PPP1R9A: variants seen among roughly 807,000 people sequenced by gnomAD.
PPP1R9A encodes protein phosphatase 1 regulatory subunit 9A, also known as neurabin-1.
Under a neutral mutation model 141.9 loss-of-function variants are expected in PPP1R9A, and 59 were observed. The ratio of observed to expected loss-of-function variants is 0.42; its 90% CI spans 0.34 to 0.52. The LOEUF (loss-of-function observed/expected upper bound fraction) is 0.52, where lower values mean the gene tolerates loss of function less well. PPP1R9A is among the 20% of genes least tolerant of loss of function. PPP1R9A has a pLI of 0.10. For missense variants in PPP1R9A, 1,444 were observed against 1,611.9 expected (o/e 0.90, Z 1.78); for synonymous variants, 500 against 569.7 (o/e 0.88, Z 1.74).
At position 94,910,746 on chromosome 7, in the gene PPP1R9A, C is replaced by T. The variant is rs750307570; in HGVS notation, c.633C>T (p.Asn211=). 7 of 1,614,150 alleles carry T rather than the reference C, an allele frequency of 4.3e-6. No homozygotes were observed. The highest frequency in any genetic ancestry group is 4.5e-5 in the East Asian group (2 of 44,864). ...TVSQLSAVFE[N]TDSPSAIISE... The stretch of plus-strand genomic sequence containing the variant: ...GTCAACTGAGTGCAGTATTTGAGAA[C>T]ACTGATTCTCCCAGTGCCATCATTT... The change falls in exon 2 of 20, where the codon AAC becomes AAT. Residue 211 remains asparagine, a synonymous_variant. Transcript: ENST00000433360. This position sits in a 1 kb window ranked among gnomAD's most constrained non-coding sequence, Gnocchi z 4.5.
intron 2 of PPP1R9A, among the ~76,000 whole-genome samples, chr7:95,042,265 T>C (rs1298146688): frequency 1.3e-5 from 2 of 152,230 alleles, no homozygotes; most frequent in African/African-American, 4.8e-5. Flanking sequence ...GAATACGTGA[T>C]ACTCATGCAT....
chr7:95,165,721 G>C (rs961596708), intron 5 of PPP1R9A, among the ~76,000 whole-genome samples: 1 of 152,206 alleles, frequency 6.6e-6, no homozygotes, highest in Non-Finnish European at 1.5e-5. Flanking sequence ...GGACTGGACT[G>C]TTAGTGAGGC....
At position 95,027,200 on chromosome 7, in the gene PPP1R9A, G is replaced by C. The variant is rs968366388; in HGVS notation, c.1396-84059G>C. Among the ~76,000 whole-genome samples the C allele has an allele frequency of 1.2e-4, 18 of 152,146 alleles. 1 individual carries two copies. The highest frequency in any genetic ancestry group is 1.5e-5 in the Non-Finnish European group (1 of 68,024). On this transcript the variant is annotated intron_variant, in intron 2 of 19. Transcript: ENST00000433360. The stretch of plus-strand genomic sequence containing the variant: ...CACCCAGTTTTGTGCTTGAAACCCA[G>C]GGCCCTGGTGGCATAGGCACTGGAG...
At chr7:94,913,036 A>G (rs1231289540) in intron 2 of PPP1R9A, among the ~76,000 whole-genome samples, 2 of 152,190 alleles carry the variant, frequency 1.3e-5, no homozygotes, top group African/African-American at 4.8e-5. Context: ...GAAAGCAATA[A>G]GATTAAATCG....
At chr7:94,967,366 T>G (rs1254984192) in intron 2 of PPP1R9A, among the ~76,000 whole-genome samples, 1 of 152,122 alleles carries the variant, frequency 6.6e-6, no homozygotes, top group Non-Finnish European at 1.5e-5. Context: ...AGCTTTTGAA[T>G]TTGTTTGCTC....
Position 95,282,995 on chromosome 7 carries a change from G to A in PPP1R9A, c.3297-1023G>A, listed in dbSNP as rs889995620. Among the ~76,000 whole-genome samples, 10 of 152,320 alleles carry A rather than the reference G, an allele frequency of 6.6e-5. 2 individuals carry two copies. In the South Asian group the frequency reaches 1.7e-3, roughly 25 times the overall value. On this transcript the variant is annotated intron_variant, in intron 16 of 19. Coordinates refer to ENST00000433360, the MANE Select transcript of PPP1R9A (RefSeq NM_001166160.2). ...TCAGTATACATGTGGTGGGACAGAA[G>A]TTGTCTGGCTGTGGTGTCCAGGCAC...
intron 2 of PPP1R9A, among the ~76,000 whole-genome samples, chr7:95,016,777 A>C (rs1313980052): frequency 6.6e-6 from 1 of 152,168 alleles, no homozygotes; most frequent in Non-Finnish European, 1.5e-5. Context: ...ACTTTCGTCC[A>C]CTTCATTCAG....
At chr7:95,028,165 A>G (rs1807158032) in intron 2 of PPP1R9A, among the ~76,000 whole-genome samples, 1 of 152,196 alleles carries the variant, frequency 6.6e-6, no homozygotes, top group Non-Finnish European at 1.5e-5. Flanking sequence ...AGGATTCAGA[A>G]TCACCTCAGA....
At chr7:95,045,608 A>G (rs1203792479) in intron 2 of PPP1R9A, among the ~76,000 whole-genome samples, 2 of 152,148 alleles carry the variant, frequency 1.3e-5, no homozygotes, top group South Asian at 2.1e-4. Context: ...CCAGTTACCA[A>G]TTTCAAGTGT....
chr7:94,915,180 A>C (rs1791920829), intron 2 of PPP1R9A, among the ~76,000 whole-genome samples: 1 of 152,238 alleles, frequency 6.6e-6, no homozygotes, highest in Non-Finnish European at 1.5e-5. Flanking sequence ...GAATTCAAAT[A>C]ATCAGCAAGG....
intron 2 of PPP1R9A, among the ~76,000 whole-genome samples, chr7:94,997,860 T>C (rs1802391592): frequency 6.6e-6 from 1 of 152,154 alleles, no homozygotes; most frequent in South Asian, 2.1e-4. Flanking sequence ...TGTGATCTAC[T>C]TGGGATTCCT....
chr7:95,010,182 A>G (rs1021256050), intron 2 of PPP1R9A, among the ~76,000 whole-genome samples: 2 of 152,138 alleles, frequency 1.3e-5, no homozygotes, highest in African/African-American at 2.4e-5. Context: ...ACTTGAGCTT[A>G]GGAGTTTGAG....
intron 16 of PPP1R9A, among the ~76,000 whole-genome samples, chr7:95,280,331 TTC>T (rs1394155620): frequency 6.6e-6 from 1 of 152,196 alleles, no homozygotes; most frequent in African/African-American, 2.4e-5. Context: ...TTCTGGCAGT[TTC>T]TGAACTCTTA....
intron 3 of PPP1R9A, among the ~76,000 whole-genome samples, chr7:95,118,806 A>C (rs1160439004): frequency 1.4e-5 from 2 of 144,470 alleles, no homozygotes; most frequent in East Asian, 4.1e-4. Context: ...CCCTGTCTGT[A>C]CAAAAAAAAA....
At chr7:95,159,243 AT>A (rs1446220519) in intron 4 of PPP1R9A, among the ~76,000 whole-genome samples, 1 of 152,248 alleles carries the variant, frequency 6.6e-6, no homozygotes, top group Admixed American at 6.5e-5. Flanking sequence ...TATAATAGTC[AT>A]GGTTAAATCT....
intron 2 of PPP1R9A, among the ~76,000 whole-genome samples, chr7:95,008,978 A>T (rs775119111): frequency 4.6e-5 from 7 of 152,192 alleles, no homozygotes; most frequent in Non-Finnish European, 1.0e-4. Context: ...GCCGTAAAAA[A>T]GGTTGAGTTC....
At chr7:95,031,247 C>T (rs935170636) in intron 2 of PPP1R9A, among the ~76,000 whole-genome samples, 15 of 152,120 alleles carry the variant, frequency 9.9e-5, no homozygotes, top group African/African-American at 3.1e-4. Context: ...TAATTCCTAA[C>T]GTTGGCAGCT....
At chr7:95,030,778 C>G (rs560020547) in intron 2 of PPP1R9A, among the ~76,000 whole-genome samples, 87 of 152,328 alleles carry the variant, frequency 5.7e-4, no homozygotes, top group Admixed American at 3.1e-3. Context: ...AAATCTCTTA[C>G]TCTTCCTTTA....
chr7:94,968,363 G>A (rs868847738), intron 2 of PPP1R9A, among the ~76,000 whole-genome samples: 23 of 152,040 alleles, frequency 1.5e-4, no homozygotes, highest in Middle Eastern at 6.8e-3. Context: ...TAGTAGAGAC[G>A]GGGTTTCACC....
Sources: allele counts gnomAD v4.1 joint callset (sites outside exome capture counted in the v4.1 genomes callset), GRCh38; gene constraint gnomAD v4.1.1; non-coding constraint Gnocchi (gnomAD v3.1); transcripts MANE v1.5; gene names NCBI Gene and HGNC (gene_info 2026-07-23, HGNC 2026-07-21).